The following DPP8 variants were observed in gnomAD, a reference collection of about 807,000 sequenced individuals.
DPP8 encodes the protein dipeptidyl peptidase 8.
Under a neutral mutation model 107.5 loss-of-function variants are expected in DPP8, and 31 were observed. That is an observed-to-expected ratio of 0.29 (90% CI 0.22 to 0.39). DPP8 has a LOEUF of 0.39. Among genes scored for constraint, DPP8 ranks in the 10% least tolerant of loss-of-function variants. The probability of loss-of-function intolerance (pLI) is 1.00; values close to 1 mark genes in which losing one functional copy is unlikely to be tolerated. For missense variants in DPP8, 842 were observed against 1,076.1 expected (o/e 0.78, Z 3.04); for synonymous variants, 381 against 356.6 (o/e 1.07, Z -0.77).
At chr15:65,468,636 G>C (rs1365004335) in intron 12 of DPP8, among the ~76,000 whole-genome samples, 2 of 151,990 alleles carry the variant, frequency 1.3e-5, no homozygotes, top group East Asian at 3.8e-4. Context: ...TGCATAAATA[G>C]AAATCAACAC....
At chr15:65,498,058 G>A (rs533759162) in intron 4 of DPP8, 26 bp from the exon 5 acceptor site, 12 of 1,550,290 alleles carry the variant, frequency 7.7e-6, no homozygotes, top group African/African-American at 2.7e-5. Context: ...ACATTTTAAG[G>A]TAAGTATTAG....
intron 4 of DPP8, among the ~76,000 whole-genome samples, chr15:65,498,556 A>G (rs931722884): frequency 1.3e-5 from 2 of 152,308 alleles, no homozygotes; most frequent in East Asian, 3.9e-4. Context: ...GACATAAAGG[A>G]CATAAAGACA....
chr15:65,492,810 C>T (rs2068174431), intron 5 of DPP8, among the ~76,000 whole-genome samples: 1 of 152,062 alleles, frequency 6.6e-6, no homozygotes, highest in South Asian at 2.1e-4. Flanking sequence ...GTTTCCCAGG[C>T]TGGTCTCAAA....
intron 11 of DPP8, 119 bp downstream of exon 11, chr15:65,478,761 T>C: frequency 1.5e-6 from 1 of 671,956 alleles, no homozygotes; most frequent in South Asian, 2.0e-5. Flanking sequence ...AACTTACATA[T>C]TAAGTTTAAC....
chr15:65,456,495 T>C, intron 15 of DPP8, 124 bp from the exon 16 acceptor site: 1 of 1,012,820 alleles, frequency 9.9e-7, no homozygotes, highest in Non-Finnish European at 1.4e-6. Flanking sequence ...TGTAATTTTT[T>C]AAGTCATTTC....
chr15:65,481,735 A>T, intron 8 of DPP8, 120 bp from the exon 9 acceptor site: 1 of 564,084 alleles, frequency 1.8e-6, no homozygotes, highest in Non-Finnish European at 3.0e-6. Context: ...TAGGTATTAA[A>T]AAGGAACAAA....
chr15:65,451,974 T>G lies in DPP8; in HGVS notation c.2400A>C (p.Glu800Asp), dbSNP rs1595850198. ...YYLGSVAMQAEKFPSEPNRLL... is the reference protein window; with the variant it reads ...YYLGSVAMQADKFPSEPNRLL... ...CTTGCACTTACTCAGAGGGGAACTT[T>G]TCTGCTTGCATGGCCACAGATCCTA... Residue 800 changes from glutamate to aspartate, a missense_variant, in exon 18 of 20, where the codon GAA becomes GAC. Glu to Asp is a conservative substitution (Grantham distance 45). This residue lies in a region of DPP8 where 179 missense variants were observed against 318.0 expected (regional missense o/e 0.56). Transcript: ENST00000300141. 1 of 1,597,732 alleles carries G rather than the reference T, an allele frequency of 6.3e-7. No homozygotes were observed. Among genetic ancestry groups the G allele is most frequent in the Non-Finnish European group, 8.5e-7 (1 of 1,175,240 alleles).
intron 3 of DPP8, among the ~76,000 whole-genome samples, chr15:65,505,822 C>T (rs1011980823): frequency 2.6e-5 from 4 of 151,824 alleles, no homozygotes; most frequent in Non-Finnish European, 1.5e-5. Flanking sequence ...TGGTGGTGTG[C>T]ACCTGTAATC....
At chr15:65,515,896 A>G in intron 1 of DPP8, 1 of 540,768 alleles carries the variant, frequency 1.8e-6, no homozygotes. Context: ...TGATACCAAA[A>G]TATCACTTTT....
chr15:65,512,490 C>T lies in DPP8; in HGVS notation c.64G>A (p.Glu22Lys), dbSNP rs2070916299. Reference sequence around the variant, plus strand: ...GGCCGATCCTGTGATTCAATATTCTCCTCACAGTCCGCAGTTTCAAATATC... The same window carrying T: ...GGCCGATCCTGTGATTCAATATTCTTCTCACAGTCCGCAGTTTCAAATATC... ...VEIFETADCE[E>K]NIESQDRPKL... is the part of the protein sequence containing the mutation. The change falls in exon 2 of 20, where the codon GAG becomes AAG. Residue 22 changes from glutamate to lysine, a missense_variant. This residue lies in a region of DPP8 where 663 missense variants were observed against 758.0 expected (regional missense o/e 0.87). Coordinates refer to ENST00000300141, the MANE Select transcript of DPP8 (RefSeq NM_130434.5). The T allele has an allele frequency of 7.4e-6, 12 of 1,614,092 alleles. No individual in the cohort carries two copies. The highest frequency in any genetic ancestry group is 1.7e-5 in the Admixed American group (1 of 60,006).
chr15:65,455,667 A>G, intron 16 of DPP8: 1 of 1,196,626 alleles, frequency 8.4e-7, no homozygotes, highest in South Asian at 1.6e-5. Flanking sequence ...AGAATACAAC[A>G]TAAGGTCAAA....
At chr15:65,484,960 G>T in intron 8 of DPP8, 139 bp downstream of exon 8, 7 of 677,604 alleles carry the variant, frequency 1.0e-5, no homozygotes, top group South Asian at 1.7e-5. Context: ...TAAAAAATTA[G>T]GTCAATCTAA....
chr15:65,444,162 A>C lies in DPP8; in HGVS notation c.*2722T>G, dbSNP rs1401928989. On this transcript the variant is annotated 3_prime_UTR_variant, in exon 20 of 20. Transcript: ENST00000300141. ...TTGATCTCCTGACTTCAAGTGATTC[A>C]CCCGCCTTGGCCTCCCAAAGTGCTA... 1 of 152,070 alleles carries C rather than the reference A, an allele frequency of 6.6e-6. No individual in the cohort carries two copies. Among genetic ancestry groups the C allele is most frequent in the African/African-American group, 2.4e-5 (1 of 41,394 alleles). The allele number at this position is 152,070 out of a possible 1,614,324, so 9.4% of individuals were successfully genotyped here. A position where few individuals can be genotyped will look rare whatever the true frequency, so the allele number is the denominator to read the frequency against.
chr15:65,495,123 T>C (rs1052691171), intron 5 of DPP8, among the ~76,000 whole-genome samples: 13 of 152,176 alleles, frequency 8.5e-5, no homozygotes, highest in Non-Finnish European at 1.9e-4. Context: ...GAACTTATGC[T>C]TCAGAACCTT....
rs545035433 is a variant in DPP8, at chr15:65,460,469, C to T, written c.1971+3292G>A. Among the ~76,000 whole-genome samples the T allele has an allele frequency of 1.4e-3, 204 of 141,088 alleles. 1 individual carries two copies. The highest frequency in any genetic ancestry group is 4.9e-3 in the African/African-American group (195 of 39,428). 92.6% of individuals were successfully genotyped at this position (141,088 alleles called of 152,430 possible). ...AACAAAGAATCAAACAAACAAAGCA[C>T]TCAAACACTCCCCATCCTCCTTCCA... On this transcript the variant is annotated intron_variant, in intron 15 of 19. Transcript: ENST00000300141.
intron 5 of DPP8, among the ~76,000 whole-genome samples, chr15:65,496,884 A>G (rs1203579710): frequency 6.6e-6 from 1 of 151,096 alleles, no homozygotes; most frequent in Non-Finnish European, 1.5e-5. Flanking sequence ...TACCCGCCTC[A>G]GTCTCAAGTA....
chr15:65,517,214 CAGG>C (rs944768106), intron 1 of DPP8: 5 of 152,258 alleles, frequency 3.3e-5, no homozygotes, highest in African/African-American at 1.2e-4. Flanking sequence ...ACGTGGAAGC[CAGG>C]AGGCCAGCGC....
rs2065395141 is a variant in DPP8 at position 65,466,772 on chromosome 15, A to G, written c.1731T>C (p.Asn577=). The G allele has an allele frequency of 6.2e-7, 1 of 1,614,016 alleles. No homozygotes were observed. The change falls in exon 14 of 20, where the codon AAT becomes AAC. Residue 577 remains asparagine (N), a synonymous_variant. Coordinates refer to ENST00000300141, the MANE Select transcript of DPP8 (RefSeq NM_130434.5). The part of the protein sequence containing the change: ...FFISKYSNQK[N]PHCVSLYKLS... ...GCTTGTAAAGGGACACACAGTGTGG[A>G]TTCTTCTGGTTACTATACTTACTTA...
At chr15:65,480,127 T>C in intron 10 of DPP8, 95 bp downstream of exon 10, 7 of 1,111,196 alleles carry the variant, frequency 6.3e-6, no homozygotes, top group South Asian at 4.9e-5. Flanking sequence ...CCCTTTAAAC[T>C]TAAAAAAAAA....
Sources: allele counts gnomAD v4.1 joint callset (sites outside exome capture counted in the v4.1 genomes callset), GRCh38; gene constraint gnomAD v4.1.1; regional missense constraint gnomAD v4.1.1; transcripts MANE v1.5; gene names NCBI Gene and HGNC (gene_info 2026-07-23, HGNC 2026-07-21).